Variants in KCND2 observed in about 807,000 individuals in gnomAD.
KCND2 encodes A-type voltage-gated potassium channel KCND2.
A neutral mutation model predicts 54.4 loss-of-function variants in KCND2; 16 were observed. The ratio of observed to expected loss-of-function variants is 0.29; its 90% confidence interval spans 0.20 to 0.45. The LOEUF is 0.45. Among genes scored for constraint, KCND2 ranks in the 20% least tolerant of loss-of-function variants. KCND2 has a pLI of 1.00. For missense variants in KCND2, 486 were observed against 824.2 expected (o/e 0.59, Z 5.02); for synonymous variants, 317 against 310.7 (o/e 1.02, Z -0.21).
chr7:120,646,278 CCTT>C (rs1793441267), intron 1 of KCND2, among the ~76,000 whole-genome samples: 1 of 152,148 alleles, frequency 6.6e-6, no homozygotes, highest in Non-Finnish European at 1.5e-5. Flanking sequence ...GCATTAACAT[CCTT>C]CTTCTCCATG....
chr7:120,281,185 A>T (rs1025261866), intron 1 of KCND2, among the ~76,000 whole-genome samples: 1 of 152,172 alleles, frequency 6.6e-6, no homozygotes, highest in Non-Finnish European at 1.5e-5. Flanking sequence ...CATTGAAAGA[A>T]CACAAATGGT....
chr7:120,555,809 G>C (rs2116402392), intron 1 of KCND2, among the ~76,000 whole-genome samples: 1 of 152,230 alleles, frequency 6.6e-6, no homozygotes, highest in Non-Finnish European at 1.5e-5. Flanking sequence ...AAAATTTGCT[G>C]GCTATACTAC....
At chr7:120,438,232 A>G (rs769298368) in intron 1 of KCND2, among the ~76,000 whole-genome samples, 13 of 152,180 alleles carry the variant, frequency 8.5e-5, no homozygotes, top group Non-Finnish European at 1.5e-4. Flanking sequence ...CCAGAATCTC[A>G]CAACATAGAT....
intron 1 of KCND2, among the ~76,000 whole-genome samples, chr7:120,541,718 G>A (rs555327155): frequency 2.6e-5 from 4 of 152,042 alleles, no homozygotes; most frequent in Non-Finnish European, 5.9e-5. Flanking sequence ...GGAGGATCTT[G>A]GTCTCAGTGG....
At chr7:120,415,541 C>G (rs992393575) in intron 1 of KCND2, among the ~76,000 whole-genome samples, 6 of 152,140 alleles carry the variant, frequency 3.9e-5, no homozygotes, top group African/African-American at 1.2e-4. Context: ...TTGTTCTGCT[C>G]CTACCTCTCT....
In KCND2 at chr7:120,749,491, C is replaced by T. The variant is rs1793046298; in HGVS notation, c.*1633C>T. 1 of 152,366 alleles carries T rather than the reference C, an allele frequency of 6.6e-6. No homozygotes were observed. Among genetic ancestry groups the T allele is most frequent in the African/African-American group, 2.4e-5 (1 of 41,432 alleles). 9.4% of individuals were successfully genotyped at this position (152,366 alleles called of 1,614,324 possible). A position where few individuals can be genotyped will look rare whatever the true frequency, so the allele number is the denominator to read the frequency against. The stretch of plus-strand genomic sequence containing the variant: ...CACCACTGTAAGGAATAAAGCTTAG[C>T]TTCTGTACATGGAAAGAGCTAATAA... On this transcript the variant is annotated 3_prime_UTR_variant, in exon 6 of 6. Coordinates refer to ENST00000331113, the MANE Select transcript of KCND2 (RefSeq NM_012281.3).
chr7:120,547,603 GT>G (rs2116390845), intron 1 of KCND2, among the ~76,000 whole-genome samples: 1 of 151,952 alleles, frequency 6.6e-6, no homozygotes, highest in Admixed American at 6.6e-5. Flanking sequence ...GGTGATATAG[GT>G]TTCACAGTCA....
chr7:120,619,264 T>C (rs1015086626), intron 1 of KCND2, among the ~76,000 whole-genome samples: 1 of 152,108 alleles, frequency 6.6e-6, no homozygotes, highest in African/African-American at 2.4e-5. Context: ...ACTCCATCTC[T>C]ACAAAAAATA....
At chr7:120,441,665 G>T (rs986119085) in intron 1 of KCND2, among the ~76,000 whole-genome samples, 2 of 152,100 alleles carry the variant, frequency 1.3e-5, no homozygotes, top group Admixed American at 1.3e-4. Flanking sequence ...ACCTGTAGAA[G>T]ATTTTCCTGT....
chr7:120,429,922 A>G (rs1457158299), intron 1 of KCND2, among the ~76,000 whole-genome samples: 2 of 152,198 alleles, frequency 1.3e-5, no homozygotes, highest in Non-Finnish European at 2.9e-5. Flanking sequence ...TGCACATAAC[A>G]TAGTGAACTA....
At chr7:120,317,796 G>A (rs988848237) in intron 1 of KCND2, among the ~76,000 whole-genome samples, 4 of 152,074 alleles carry the variant, frequency 2.6e-5, no homozygotes, top group Non-Finnish European at 1.5e-5. Flanking sequence ...TGTCTATAAA[G>A]CCGTAAAACC....
chr7:120,317,376 A>G (rs1031421575), intron 1 of KCND2, among the ~76,000 whole-genome samples: 8 of 152,104 alleles, frequency 5.3e-5, no homozygotes, highest in African/African-American at 1.9e-4. Flanking sequence ...TATTTCAACC[A>G]CTATGTATAT....
intron 1 of KCND2, among the ~76,000 whole-genome samples, chr7:120,296,386 G>A (rs1473404329): frequency 6.6e-6 from 1 of 151,966 alleles, no homozygotes; most frequent in Non-Finnish European, 1.5e-5. Flanking sequence ...TAGGACCATG[G>A]AGAGAGGAAA....
intron 1 of KCND2, among the ~76,000 whole-genome samples, chr7:120,328,525 G>T (rs1460559434): frequency 1.3e-5 from 2 of 152,064 alleles, no homozygotes; most frequent in Non-Finnish European, 2.9e-5. Context: ...CATGCTTAAG[G>T]ACTATACTAT....
rs1042292269 is a variant in KCND2, at chr7:120,314,748, C to T, written c.1115+39001C>T. Among the ~76,000 whole-genome samples the T allele has an allele frequency of 3.7e-4, 56 of 152,044 alleles. 1 individual carries two copies. Among genetic ancestry groups the T allele is most frequent in the Non-Finnish European group, 6.3e-4 (43 of 68,012 alleles). ...GCAGTGAATAATGGTAGTCCATTGT[C>T]AAGATAAAGGTTATGTAACTTGAAA... On this transcript the variant is annotated intron_variant, in intron 1 of 5. Transcript: ENST00000331113.
intron 1 of KCND2, among the ~76,000 whole-genome samples, chr7:120,425,135 G>T (rs897567379): frequency 1.3e-5 from 2 of 151,762 alleles, no homozygotes; most frequent in African/African-American, 2.4e-5. Flanking sequence ...CTCTCCTTAT[G>T]CTCTTCACTG....
chr7:120,442,201 A>G (rs1471829523), intron 1 of KCND2, among the ~76,000 whole-genome samples: 2 of 152,244 alleles, frequency 1.3e-5, no homozygotes, highest in African/African-American at 2.4e-5. Context: ...ACAATTAAAG[A>G]ACTGAAGAAA....
rs777863885 is a variant in KCND2, at chr7:120,275,406, G to C, written c.774G>C (p.Val258=). 3 of 1,613,786 alleles carry C rather than the reference G, an allele frequency of 1.9e-6. No homozygotes were observed. The Admixed American group carries it at 5.0e-5, about 27-fold the overall frequency. The change falls in exon 1 of 6, where the codon GTG becomes GTC. Residue 258 remains valine (V), a synonymous_variant. Coordinates refer to ENST00000331113, the MANE Select transcript of KCND2 (RefSeq NM_012281.3). ...LAAAPSRYRF[V]RSVMSIIDVV... is the part of the protein sequence containing the mutation. ...CAGCGCCTAGTCGTTACCGTTTTGT[G>C]CGTAGTGTCATGAGTATCATCGACG...
intron 1 of KCND2, among the ~76,000 whole-genome samples, chr7:120,360,755 A>C (rs955785956): frequency 3.3e-5 from 5 of 152,092 alleles, no homozygotes; most frequent in Non-Finnish European, 5.9e-5. Flanking sequence ...CCAGTGTTAC[A>C]TACTTTTCAA....
Sources: gnomAD v4.1 joint callset for allele counts (sites outside exome capture counted in the v4.1 genomes callset) on GRCh38, gnomAD v4.1.1 for gene constraint, MANE v1.5 for transcripts, NCBI Gene and HGNC (gene_info 2026-07-23, HGNC 2026-07-21) for gene names.